ZNF385D: variants seen among roughly 807,000 people sequenced by gnomAD.
The protein encoded by ZNF385D is zinc finger protein 659.
In ZNF385D, 15 loss-of-function variants were observed where a neutral mutation model predicts 35.8. That is an observed-to-expected ratio of 0.42 (90% CI 0.28 to 0.64). The LOEUF (loss-of-function observed/expected upper bound fraction) is 0.64. Among genes scored for constraint, ZNF385D ranks in the 30% least tolerant of loss-of-function variants. The pLI is 0.23. For synonymous variants in ZNF385D, 212 were observed against 186.8 expected, an observed-to-expected ratio of 1.13 and a Z score of -1.10; for missense variants, 474 against 494.6, an observed-to-expected ratio of 0.96 and a Z score of 0.39.
At position 22,298,394 on chromosome 3, in the gene ZNF385D, GTA is replaced by G. The variant is rs1187326243; in HGVS notation, c.106+74054_106+74055del. 6.5e-4 allele frequency among the ~76,000 whole-genome samples: 88 copies of G among 135,536 alleles called. 1 individual carries two copies. The highest frequency in any genetic ancestry group is 5.4e-4 in the African/African-American group (20 of 36,956). 88.9% of individuals were successfully genotyped at this position (135,536 alleles called of 152,430 possible). A position where few individuals can be genotyped will look rare whatever the true frequency, so the allele number is the denominator to read the frequency against. ...TATGTATGTGTGTGTGTGTGTGTGTGTATATATATGTAAAATAAAAACATTTA... is the reference window on the plus strand; with the variant it reads ...TATGTATGTGTGTGTGTGTGTGTGTGTATATATGTAAAATAAAAACATTTA... On this transcript the variant is annotated intron_variant, in intron 2 of 5. Coordinates refer to the ZNF385D transcript ENST00000494108.
At chr3:22,252,138 T>C (rs1700093022) in intron 2 of ZNF385D, among the ~76,000 whole-genome samples, 1 of 152,002 alleles carries the variant, frequency 6.6e-6, no homozygotes, top group Admixed American at 6.6e-5. Flanking sequence ...TACTTGGATG[T>C]AAACATTAGA....
intron 3 of ZNF385D, among the ~76,000 whole-genome samples, chr3:22,058,281 G>A (rs1278346441): frequency 1.3e-5 from 2 of 152,176 alleles, no homozygotes; most frequent in African/African-American, 2.4e-5. Context: ...CTTAATTGAA[G>A]AATAAAAATA....
intron 3 of ZNF385D, among the ~76,000 whole-genome samples, chr3:21,762,437 C>T (rs1226332056): frequency 1.3e-5 from 2 of 152,106 alleles, no homozygotes; most frequent in African/African-American, 4.8e-5. Context: ...ACTCATGGCA[C>T]CTCCTCTCAG....
At chr3:22,215,116 C>T (rs187701963) in intron 2 of ZNF385D, among the ~76,000 whole-genome samples, 157 of 152,074 alleles carry the variant, frequency 1.0e-3, no homozygotes, top group African/African-American at 3.7e-3. Context: ...CTTGAAATAT[C>T]GGGGGTGACT....
intron 3 of ZNF385D, among the ~76,000 whole-genome samples, chr3:21,813,704 A>C (rs962223242): frequency 1.3e-5 from 2 of 152,220 alleles, no homozygotes; most frequent in African/African-American, 2.4e-5. Context: ...GGACTCTGTG[A>C]AAAGACCAAA....
chr3:21,905,918 A>G (rs370464460), intron 3 of ZNF385D, among the ~76,000 whole-genome samples: 2 of 152,190 alleles, frequency 1.3e-5, no homozygotes, highest in South Asian at 4.1e-4. Flanking sequence ...TTTAAAAAAG[A>G]TTAAAAAGAC....
At position 22,137,033 on chromosome 3, in the gene ZNF385D, A is replaced by G. The variant is rs1317715593; in HGVS notation, c.325+31784T>C. On this transcript the variant is annotated intron_variant, in intron 3 of 5. Transcript: ENST00000494108. ...TATCATTTAGCATTTGTCAAAGCCC[A>G]TAGAATGTATAACACAAGGATTGAG... Among the ~76,000 whole-genome samples, 8 of 152,188 alleles carry G rather than the reference A, an allele frequency of 5.3e-5. 1 individual carries two copies.
Position 21,539,015 on chromosome 3 carries a change from G to A in ZNF385D, c.276+25559C>T, listed in dbSNP as rs1302476565. The stretch of plus-strand genomic sequence containing the variant: ...GGGCTAAAATGACAAGTTCCTTGTG[G>A]TAAACCATTTGACTAGTCTCTCTGG... On this transcript the variant is annotated intron_variant, in intron 3 of 7. Coordinates refer to ENST00000281523, the MANE Select transcript of ZNF385D (RefSeq NM_024697.3). The surrounding 1 kb of genome is among the most constrained non-coding windows in gnomAD (Gnocchi z 4.0). 6.6e-6 allele frequency among the ~76,000 whole-genome samples: 1 copy of A among 152,054 alleles called. No individual in the cohort carries two copies. The highest frequency in any genetic ancestry group is 1.5e-5 in the Non-Finnish European group (1 of 68,044).
chr3:21,519,253 A>T (rs965641326), intron 3 of ZNF385D, among the ~76,000 whole-genome samples: 2 of 152,190 alleles, frequency 1.3e-5, no homozygotes, highest in Non-Finnish European at 2.9e-5. Flanking sequence ...ATTCTCAGAT[A>T]CATTTGGTAA....
At chr3:22,107,354 T>C (rs1025092320) in intron 3 of ZNF385D, among the ~76,000 whole-genome samples, 4 of 152,058 alleles carry the variant, frequency 2.6e-5, no homozygotes, top group Non-Finnish European at 5.9e-5. Flanking sequence ...GCTATTTTCC[T>C]CTTGTCAGAA....
intron 3 of ZNF385D, among the ~76,000 whole-genome samples, chr3:22,111,462 G>T (rs185354390): frequency 2.6e-5 from 4 of 152,054 alleles, no homozygotes; most frequent in African/African-American, 9.7e-5. Context: ...ACTGGGGTAC[G>T]CACATGGTGA....
chr3:21,525,852 G>A (rs927115106), intron 3 of ZNF385D, among the ~76,000 whole-genome samples: 2 of 152,020 alleles, frequency 1.3e-5, no homozygotes. Flanking sequence ...ATGACAAATT[G>A]AGACATTCCA....
chr3:22,336,152 C>T (rs1453043280), intron 2 of ZNF385D, among the ~76,000 whole-genome samples: 3 of 151,940 alleles, frequency 2.0e-5, no homozygotes, highest in Non-Finnish European at 4.4e-5. Flanking sequence ...GGATAAGGCT[C>T]ACATGGTAAA....
chr3:21,914,173 T>C (rs1219196408), intron 3 of ZNF385D, among the ~76,000 whole-genome samples: 1 of 152,118 alleles, frequency 6.6e-6, no homozygotes, highest in Non-Finnish European at 1.5e-5. Context: ...AGAATTTTAG[T>C]AGACAGGGAA....
At chr3:21,758,983 A>AAAAAC (rs1316797047) in intron 3 of ZNF385D, among the ~76,000 whole-genome samples, 4 of 141,314 alleles carry the variant, frequency 2.8e-5, no homozygotes, top group Admixed American at 1.4e-4. Context: ...GGCAAAAAAA[A>AAAAAC]AAAAAAAAAA....
chr3:22,349,262 G>A (rs1695807070), intron 2 of ZNF385D, among the ~76,000 whole-genome samples: 1 of 152,170 alleles, frequency 6.6e-6, no homozygotes, highest in South Asian at 2.1e-4. Context: ...AGTAGCAGCA[G>A]CAGAAGAATC....
intron 2 of ZNF385D, among the ~76,000 whole-genome samples, chr3:21,576,365 A>T (rs2063497098): frequency 6.6e-6 from 1 of 152,190 alleles, no homozygotes; most frequent in African/African-American, 2.4e-5. Flanking sequence ...GATTTCTGCT[A>T]TGGCTGTTTC....
intron 2 of ZNF385D, among the ~76,000 whole-genome samples, chr3:22,219,265 G>C (rs1053162615): frequency 8.6e-5 from 13 of 152,046 alleles, no homozygotes; most frequent in Admixed American, 8.5e-4. Context: ...GATATTTCTA[G>C]TCTTTTTTTC....
At chr3:21,694,402 T>C (rs1317989341) in intron 1 of ZNF385D, among the ~76,000 whole-genome samples, 2 of 151,976 alleles carry the variant, frequency 1.3e-5, no homozygotes, top group Non-Finnish European at 2.9e-5. Context: ...ACAATTCTGG[T>C]ACACACTCAA....
Sources: allele counts gnomAD v4.1 joint callset (sites outside exome capture counted in the v4.1 genomes callset), GRCh38; gene constraint gnomAD v4.1.1; non-coding constraint Gnocchi (gnomAD v3.1); transcripts MANE v1.5; gene names NCBI Gene and HGNC (gene_info 2026-07-23, HGNC 2026-07-21).